Variants in FBXO11 observed in about 807,000 individuals in gnomAD.
The protein encoded by FBXO11 is F-box protein 11, also known as F-box only protein 11.
A neutral mutation model predicts 117.0 loss-of-function variants in FBXO11; 13 were observed. That is an observed-to-expected ratio of 0.11 (90% CI 0.07 to 0.18). FBXO11 has a LOEUF of 0.18. Among genes scored for constraint, FBXO11 ranks in the 10% least tolerant of loss-of-function variants. FBXO11 has a pLI of 1.00. For synonymous variants in FBXO11, 490 were observed against 380.5 expected (o/e 1.29, Z -3.35); for missense variants, 767 against 1,164.4 (o/e 0.66, Z 4.97).
chr2:47,891,710 T>C (rs973382670), intron 1 of FBXO11, among the ~76,000 whole-genome samples: 9 of 152,238 alleles, frequency 5.9e-5, no homozygotes, highest in African/African-American at 2.2e-4. Context: ...TTTTCCATAA[T>C]AGTTACACCA....
intron 1 of FBXO11, among the ~76,000 whole-genome samples, chr2:47,867,753 G>C (rs1424949391): frequency 6.6e-6 from 1 of 152,000 alleles, no homozygotes; most frequent in African/African-American, 2.4e-5. Flanking sequence ...CACATTATCT[G>C]CATATTGTTA....
chr2:47,813,425 A>ATTTTTATTTT (rs1670764245), intron 17 of FBXO11, 48 bp from the exon 18 acceptor site: 1 of 327,432 alleles, frequency 3.1e-6, no homozygotes, highest in East Asian at 1.3e-4. Flanking sequence ...TTTCTTTTTA[A>ATTTTTATTTT]TTTTTTTTTT....
intron 1 of FBXO11, among the ~76,000 whole-genome samples, chr2:47,859,505 C>A (rs1174940777): frequency 6.6e-6 from 1 of 152,184 alleles, no homozygotes; most frequent in Non-Finnish European, 1.5e-5. Context: ...GTAACAGGCT[C>A]TAGATGATTT....
intron 14 of FBXO11, among the ~76,000 whole-genome samples, chr2:47,819,691 G>A (rs991856798): frequency 6.6e-6 from 1 of 152,134 alleles, no homozygotes; most frequent in Non-Finnish European, 1.5e-5. Flanking sequence ...CTCTCATTTA[G>A]TAATAAATTA....
chr2:47,882,393 C>T (rs1438266904), intron 1 of FBXO11, among the ~76,000 whole-genome samples: 1 of 152,100 alleles, frequency 6.6e-6, no homozygotes, highest in African/African-American at 2.4e-5. Context: ...GGTCAGTTTT[C>T]CCTGCCACAG....
chr2:47,827,632 T>C lies in FBXO11; in HGVS notation c.1399-4272A>G, dbSNP rs374356472. Reference sequence around the variant, plus strand: ...TGCTTCAAGACGTATTTTAATAGAATGCAACTATTTTGTTAAGCAATACCT... The same window carrying C: ...TGCTTCAAGACGTATTTTAATAGAACGCAACTATTTTGTTAAGCAATACCT... On this transcript the variant is annotated intron_variant, in intron 11 of 22. Coordinates refer to ENST00000403359, the MANE Select transcript of FBXO11 (RefSeq NM_001190274.2). Among the ~76,000 whole-genome samples the C allele has an allele frequency of 1.0e-3, 153 of 152,200 alleles. 1 individual carries two copies. The highest frequency in any genetic ancestry group is 3.4e-3 in the African/African-American group (143 of 41,530).
At chr2:47,866,427 G>A (rs576643878) in intron 1 of FBXO11, among the ~76,000 whole-genome samples, 11 of 151,314 alleles carry the variant, frequency 7.3e-5, no homozygotes, top group South Asian at 2.1e-4. Flanking sequence ...AAAAAACTGC[G>A]TCCCAAAATG....
intron 18 of FBXO11, chr2:47,811,558 A>G (rs1476808080): frequency 2.0e-5 from 3 of 152,212 alleles, no homozygotes; most frequent in Admixed American, 1.3e-4. Flanking sequence ...GCTTAGTATA[A>G]TGAATCACAT....
intron 1 of FBXO11, among the ~76,000 whole-genome samples, chr2:47,863,915 T>C (rs1674988992): frequency 1.3e-5 from 2 of 150,562 alleles, no homozygotes; most frequent in African/African-American, 2.4e-5. Flanking sequence ...CACTCCAACC[T>C]GGGAGACAGA....
rs775652728 is a variant in FBXO11 at position 47,809,181 on chromosome 2, G to A, written c.2532C>T (p.Ser844=). 2.5e-6 allele frequency: 4 copies of A among 1,594,502 alleles called. No homozygotes were observed. Among genetic ancestry groups the A allele is most frequent in the Non-Finnish European group, 3.4e-6 (4 of 1,166,048 alleles). ...ACCTGTAGAAATCATGCATGGGATA[G>A]CTGGTATAACTTGATATTTTATATA... ...QCLYKISSYT[S]YPMHDFYRCH... is the part of the protein sequence containing the mutation. The change falls in exon 21 of 23, where the codon AGC becomes AGT. Residue 844 remains serine (S), a synonymous_variant. Transcript: ENST00000403359.
At chr2:47,869,945 G>A (rs1393270767) in intron 1 of FBXO11, among the ~76,000 whole-genome samples, 1 of 152,168 alleles carries the variant, frequency 6.6e-6, no homozygotes, top group Non-Finnish European at 1.5e-5. Flanking sequence ...CCAAAGTGCT[G>A]GGATTATAGG....
rs151074058 is a variant in FBXO11 at position 47,851,330 on chromosome 2, G to A, written c.233-11561C>T. 5.5e-3 allele frequency among the ~76,000 whole-genome samples: 837 copies of A among 152,038 alleles called. 1 individual carries two copies. Among genetic ancestry groups the A allele is most frequent in the Middle Eastern group, 0.014 (4 of 294 alleles). On this transcript the variant is annotated intron_variant, in intron 1 of 22. Transcript: ENST00000403359. The stretch of plus-strand genomic sequence containing the variant: ...CAACCTCTGCCTGCCAGGTTCAAGC[G>A]ATTCTCCTGCCTCAGCCTCCCAAGT...
At chr2:47,808,808 T>C (rs1670407289) in intron 21 of FBXO11, 3 of 258,578 alleles carry the variant, frequency 1.2e-5, no homozygotes, top group Non-Finnish European at 2.2e-5. Flanking sequence ...TTACACAACA[T>C]GAGTTACATG....
chr2:47,898,755 A>G (rs1180366601), intron 1 of FBXO11, among the ~76,000 whole-genome samples: 1 of 152,212 alleles, frequency 6.6e-6, no homozygotes, highest in Admixed American at 6.5e-5. Context: ...ATGGTATAGA[A>G]CAGGGGACAG....
rs143278838 is a variant in FBXO11, at chr2:47,812,543, A to T, written c.2227+691T>A. Among the ~76,000 whole-genome samples, 5 of 152,328 alleles carry T rather than the reference A, an allele frequency of 3.3e-5. No individual in the cohort carries two copies. The East Asian group carries it at 9.6e-4, about 29-fold the overall frequency. ...ATTACTAGATTATAAGCTCCTGGAG[A>T]GTCTGTCAATGGAATCATCACTGCT... On this transcript the variant is annotated intron_variant, in intron 18 of 22. Transcript: ENST00000403359.
In FBXO11 at chr2:47,900,689, C is replaced by T. The variant is rs533353123; in HGVS notation, c.232+4800G>A. On this transcript the variant is annotated intron_variant, in intron 1 of 22. Transcript: ENST00000403359. ...GTACGTATATACACACGTATACACA[C>T]ACGTATACACACACGTGTATATATA... Among the ~76,000 whole-genome samples, 114 of 122,966 alleles carry T rather than the reference C, an allele frequency of 9.3e-4. 7 individuals are homozygous for T. The highest frequency in any genetic ancestry group is 4.1e-3 in the African/African-American group (110 of 27,066). The allele number at this position is 122,966 out of a possible 152,430, so 80.7% of individuals were successfully genotyped here.
At chr2:47,896,792 T>C (rs1201351315) in intron 1 of FBXO11, among the ~76,000 whole-genome samples, 1 of 152,228 alleles carries the variant, frequency 6.6e-6, no homozygotes, top group African/African-American at 2.4e-5. Context: ...GCTACTTTTA[T>C]GTATTGCTGA....
In FBXO11 at chr2:47,806,928, T is replaced by TAATA. The variant is rs1670243688; in HGVS notation, c.*1186_*1189dup. On this transcript the variant is annotated 3_prime_UTR_variant, in exon 23 of 23. Coordinates refer to ENST00000403359, the MANE Select transcript of FBXO11 (RefSeq NM_001190274.2). ...GGTAAATTCAGACAACATTATGATCTAATAAACTTTATTTTTTAAAAATGA... is the reference window on the plus strand; with the variant it reads ...GGTAAATTCAGACAACATTATGATCTAATAAATAAACTTTATTTTTTAAAAATGA... The TAATA allele has an allele frequency of 2.6e-6, 3 of 1,157,582 alleles. No individual in the cohort carries two copies. Among genetic ancestry groups the TAATA allele is most frequent in the Admixed American group, 1.9e-5 (1 of 53,086 alleles). 71.7% of individuals were successfully genotyped at this position (1,157,582 alleles called of 1,614,324 possible). A position where few individuals can be genotyped will look rare whatever the true frequency, so the allele number is the denominator to read the frequency against.
At chr2:47,900,790 GTA>G (rs1402592837) in intron 1 of FBXO11, among the ~76,000 whole-genome samples, 6 of 68,914 alleles carry the variant, frequency 8.7e-5, no homozygotes, top group African/African-American at 1.6e-4. Flanking sequence ...ACACACACGT[GTA>G]TATATATACA....
Sources: gnomAD v4.1 joint callset for allele counts (sites outside exome capture counted in the v4.1 genomes callset) on GRCh38, gnomAD v4.1.1 for gene constraint, MANE v1.5 for transcripts, NCBI Gene and HGNC (gene_info 2026-07-23, HGNC 2026-07-21) for gene names.